The following ROBO1 variants were observed in gnomAD, a reference collection of about 807,000 sequenced individuals.
ROBO1 encodes roundabout homolog 1.
A neutral mutation model predicts 195.9 loss-of-function variants in ROBO1; 149 were observed. That is an observed-to-expected ratio of 0.76 (90% CI 0.67 to 0.87). The LOEUF is 0.87. Among genes scored for constraint, ROBO1 ranks in the 40% least tolerant of loss-of-function variants. The pLI is 0.00. For missense variants in ROBO1, 1,933 were observed against 2,068.3 expected, an observed-to-expected ratio of 0.93 and a Z score of 1.27; for synonymous variants, 816 against 733.2, an observed-to-expected ratio of 1.11 and a Z score of -1.82.
At chr3:79,724,044 T>C (rs1576284981) in intron 1 of ROBO1, among the ~76,000 whole-genome samples, 2 of 152,338 alleles carry the variant, frequency 1.3e-5, no homozygotes, top group South Asian at 4.1e-4. Flanking sequence ...AAACTATAAC[T>C]GTCTTAAATC....
intron 1 of ROBO1, among the ~76,000 whole-genome samples, chr3:79,672,039 C>A (rs1404630333): frequency 2.0e-5 from 3 of 151,904 alleles, no homozygotes; most frequent in Admixed American, 1.3e-4. Flanking sequence ...TCATTGATCA[C>A]AAAAGAACAA....
At chr3:78,709,373 G>A (rs2081627762) in intron 8 of ROBO1, among the ~76,000 whole-genome samples, 1 of 151,992 alleles carries the variant, frequency 6.6e-6, no homozygotes. Flanking sequence ...ATACCAATAT[G>A]CAAGTTAAAG....
Position 79,245,614 on chromosome 3 carries a change from A to T in ROBO1, c.89-120075T>A, listed in dbSNP as rs181174544. ...TTAAAAAAAAATAAATCATGACTCC[A>T]GCAAAGACCCCCACCCCACCCCTCA... On this transcript the variant is annotated intron_variant, in intron 2 of 30. Coordinates refer to ENST00000464233, the MANE Select transcript of ROBO1 (RefSeq NM_002941.4). Among the ~76,000 whole-genome samples, 210 of 152,144 alleles carry T rather than the reference A, an allele frequency of 1.4e-3. 1 individual carries two copies. The highest frequency in any genetic ancestry group is 4.8e-3 in the African/African-American group (198 of 41,554).
chr3:79,489,593 T>G (rs1423306946), intron 2 of ROBO1, among the ~76,000 whole-genome samples: 1 of 147,740 alleles, frequency 6.8e-6, no homozygotes, highest in East Asian at 2.0e-4. Flanking sequence ...AGGCAGAGGT[T>G]GCAGTGAGCC....
intron 2 of ROBO1, among the ~76,000 whole-genome samples, chr3:79,161,539 AAG>A (rs2080966576): frequency 6.6e-6 from 1 of 152,162 alleles, no homozygotes; most frequent in South Asian, 2.1e-4. Flanking sequence ...CTTTGAAAAA[AAG>A]AAATGTCATT....
chr3:79,313,382 A>G (rs750430089), intron 2 of ROBO1, among the ~76,000 whole-genome samples: 13 of 152,154 alleles, frequency 8.5e-5, no homozygotes, highest in Non-Finnish European at 1.5e-4. Flanking sequence ...TTTTATCTCT[A>G]CTTTTAGTGT....
Position 78,646,158 on chromosome 3 carries a change from T to C in ROBO1, c.2872A>G (p.Ser958Gly). ...AAGCAAGATAATTACCTCCCTCCAC[T>C]GCTGACAGCTTCGCCTCCTCTCTGG... ...TYQRGGEAVS[S>G]GGRPGLLNIS... is the part of the protein sequence containing the mutation. Residue 958 changes from serine to glycine, a missense_variant, in exon 21 of 31, where the codon AGT becomes GGT. This residue lies in a region of ROBO1 where 1,737 missense variants were observed against 1,882.5 expected (regional missense o/e 0.92). Transcript: ENST00000464233. 1 of 1,607,808 alleles carries C rather than the reference T, an allele frequency of 6.2e-7. No individual in the cohort carries two copies. The highest frequency in any genetic ancestry group is 8.5e-7 in the Non-Finnish European group (1 of 1,175,636).
At chr3:79,528,669 C>G (rs1054184730) in intron 2 of ROBO1, among the ~76,000 whole-genome samples, 1 of 152,160 alleles carries the variant, frequency 6.6e-6, no homozygotes, top group Non-Finnish European at 1.5e-5. Flanking sequence ...ACTGTGACTT[C>G]TAGATCATTT....
chr3:79,488,394 G>T (rs528932505), intron 2 of ROBO1, among the ~76,000 whole-genome samples: 214 of 152,166 alleles, frequency 1.4e-3, no homozygotes, highest in Non-Finnish European at 2.0e-3. Flanking sequence ...ACTGCTTATT[G>T]CTCAGGCTAA....
chr3:79,712,540 T>G (rs1448434997), intron 1 of ROBO1, among the ~76,000 whole-genome samples: 1 of 152,122 alleles, frequency 6.6e-6, no homozygotes, highest in Non-Finnish European at 1.5e-5. Flanking sequence ...GAAAAGAAGT[T>G]GTCTGCATAA....
At chr3:79,642,963 A>T (rs1246466142) in intron 1 of ROBO1, among the ~76,000 whole-genome samples, 2 of 152,106 alleles carry the variant, frequency 1.3e-5, no homozygotes, top group Non-Finnish European at 2.9e-5. Flanking sequence ...TGAAGGATGC[A>T]AATTATTGGT....
chr3:78,939,404 G>A (rs1437463843), intron 3 of ROBO1, among the ~76,000 whole-genome samples: 1 of 151,260 alleles, frequency 6.6e-6, no homozygotes, highest in Non-Finnish European at 1.5e-5. Context: ...CACGAGGTCA[G>A]GAGATCAAGA....
intron 2 of ROBO1, among the ~76,000 whole-genome samples, chr3:79,497,184 G>A (rs78918637): frequency 0.025 from 3,749 of 152,258 alleles, 167 homozygotes; most frequent in African/African-American, 0.085. Flanking sequence ...TCTCAGAAAA[G>A]ATTGAGAATT....
intron 3 of ROBO1, among the ~76,000 whole-genome samples, chr3:79,023,315 T>C (rs1359157540): frequency 6.6e-6 from 1 of 152,164 alleles, no homozygotes; most frequent in African/African-American, 2.4e-5. Context: ...GTTTGAATAA[T>C]TGAATGTTTG....
At chr3:78,810,123 C>A (rs2084689903) in intron 4 of ROBO1, among the ~76,000 whole-genome samples, 1 of 152,110 alleles carries the variant, frequency 6.6e-6, no homozygotes, top group African/African-American at 2.4e-5. Flanking sequence ...GTCTTGATTG[C>A]CTTTCGCAGC....
chr3:79,336,247 C>T (rs1470189724), intron 2 of ROBO1, among the ~76,000 whole-genome samples: 1 of 152,228 alleles, frequency 6.6e-6, no homozygotes, highest in African/African-American at 2.4e-5. Flanking sequence ...GGAAATATCT[C>T]CAGGGCATGT....
At chr3:79,001,683 G>T (rs551305100) in intron 3 of ROBO1, among the ~76,000 whole-genome samples, 47 of 152,102 alleles carry the variant, frequency 3.1e-4, no homozygotes, top group African/African-American at 1.1e-3. Flanking sequence ...AATAATTTGA[G>T]GTTCTCAAAT....
chr3:78,695,078 CTTT>C (rs2081255998), intron 8 of ROBO1, among the ~76,000 whole-genome samples: 1 of 129,620 alleles, frequency 7.7e-6, no homozygotes, highest in Non-Finnish European at 1.5e-5. Context: ...GAGTAGAATT[CTTT>C]TATTAATTAA....
intron 2 of ROBO1, among the ~76,000 whole-genome samples, chr3:79,448,592 A>C (rs2039343755): frequency 1.3e-5 from 2 of 152,090 alleles, no homozygotes; most frequent in Admixed American, 1.3e-4. Context: ...CTCACAACCC[A>C]CATTTGTATT....
Sources: allele counts gnomAD v4.1 joint callset (sites outside exome capture counted in the v4.1 genomes callset), GRCh38; gene constraint gnomAD v4.1.1; regional missense constraint gnomAD v4.1.1; transcripts MANE v1.5; gene names NCBI Gene and HGNC (gene_info 2026-07-23, HGNC 2026-07-21).